HMCES: variants seen among roughly 807,000 people sequenced by gnomAD.
HMCES encodes the protein abasic site processing protein HMCES.
A neutral mutation model predicts 35.1 loss-of-function variants in HMCES; 27 were observed. The ratio of observed to expected loss-of-function variants is 0.77; its 90% CI spans 0.57 to 1.06. The LOEUF is 1.06. Ranked by LOEUF, HMCES falls within the 50% of genes least tolerant of loss-of-function variation. The probability of loss-of-function intolerance (pLI) is 0.00; values close to 1 mark genes in which losing one functional copy is unlikely to be tolerated. For synonymous variants in HMCES, 130 were observed against 154.7 expected (o/e 0.84, Z 1.18); for missense variants, 391 against 430.4 (o/e 0.91, Z 0.81).
rs372493925 is a variant in HMCES at position 129,298,390 on chromosome 3, T to G, written c.490T>G (p.Trp164Gly). The G allele has an allele frequency of 8.1e-6, 13 of 1,614,068 alleles. No individual in the cohort carries two copies. Among genetic ancestry groups the G allele is most frequent in the Non-Finnish European group, 1.0e-5 (12 of 1,180,040 alleles). Residue 164 changes from tryptophan (W) to glycine (G), a missense_variant, in exon 5 of 7, where the codon TGG becomes GGG. Physicochemically the swap from Trp to Gly is radical, Grantham distance 184. Coordinates refer to ENST00000383463, the MANE Select transcript of HMCES (RefSeq NM_020187.3). Reference protein sequence around the residue: ...SIGAADSPENWEKVWDNWRLL... With the variant: ...SIGAADSPENGEKVWDNWRLL... ...TGGTGCTGCAGATAGTCCTGAGAAC[T>G]GGGAGAAAGTCTGGGACAACTGGAG...
intron 4 of HMCES, 107 bp downstream of exon 4, chr3:129,290,911 T>G: frequency 8.3e-7 from 1 of 1,205,752 alleles, no homozygotes; most frequent in Non-Finnish European, 1.2e-6. Flanking sequence ...TATTTTAAAA[T>G]AACAGCTTTG....
intron 4 of HMCES, among the ~76,000 whole-genome samples, chr3:129,297,478 G>C (rs1348493370): frequency 6.6e-6 from 1 of 152,050 alleles, no homozygotes; most frequent in Non-Finnish European, 1.5e-5. Context: ...AGAGGAGCTT[G>C]CCTTTAAGGT....
At chr3:129,281,489 G>A (rs192132716) in intron 2 of HMCES, among the ~76,000 whole-genome samples, 2 of 151,532 alleles carry the variant, frequency 1.3e-5, no homozygotes, top group African/African-American at 4.9e-5. Flanking sequence ...TCAGGAGTTC[G>A]AGACCAGCCT....
At chr3:129,292,726 C>T (rs1169622921) in intron 4 of HMCES, among the ~76,000 whole-genome samples, 2 of 151,984 alleles carry the variant, frequency 1.3e-5, no homozygotes, top group Admixed American at 1.3e-4. Flanking sequence ...CCTTGTGATC[C>T]ACCCGCCTCG....
Position 129,305,838 on chromosome 3 carries a change from C to A in HMCES, c.*1013C>A. ...CACCAATCAGCGGGAAGCCTCGGCC[C>A]TGTAACTGCTAATGGGAGACAGCAG... is the stretch of plus-strand genomic sequence containing the variant. On this transcript the variant is annotated 3_prime_UTR_variant, in exon 7 of 7. Coordinates refer to ENST00000383463, the MANE Select transcript of HMCES (RefSeq NM_020187.3). 1 of 152,450 alleles carries A rather than the reference C, an allele frequency of 6.6e-6. No individual in the cohort carries two copies. Among genetic ancestry groups the A allele is most frequent in the Non-Finnish European group, 1.5e-5 (1 of 68,106 alleles). 9.4% of individuals were successfully genotyped at this position (152,450 alleles called of 1,614,324 possible).
chr3:129,290,581 C>A, intron 3 of HMCES, 98 bp from the exon 4 acceptor site: 3 of 1,377,982 alleles, frequency 2.2e-6, no homozygotes, highest in Non-Finnish European at 3.0e-6. Context: ...ACCCGCCTGG[C>A]CCAAACCTCA....
chr3:129,299,581 G>A (rs895559199), intron 5 of HMCES, among the ~76,000 whole-genome samples: 2 of 150,590 alleles, frequency 1.3e-5, no homozygotes, highest in East Asian at 3.9e-4. Context: ...GCCACTTGTG[G>A]TATTTAAGAT....
At chr3:129,296,251 G>T (rs1487567072) in intron 4 of HMCES, among the ~76,000 whole-genome samples, 1 of 152,114 alleles carries the variant, frequency 6.6e-6, no homozygotes, top group East Asian at 1.9e-4. Context: ...AGTAGAGACG[G>T]GGTTTGATAA....
At chr3:129,301,318 T>C (rs2071166614) in intron 5 of HMCES, among the ~76,000 whole-genome samples, 2 of 152,188 alleles carry the variant, frequency 1.3e-5, no homozygotes, top group Non-Finnish European at 1.5e-5. Flanking sequence ...AAATGTACCA[T>C]TATTTTATAC....
Position 129,301,924 on chromosome 3 carries a change from A to G in HMCES, c.636-26A>G, listed in dbSNP as rs374419314. Reference sequence around the variant, plus strand: ...CCTTATTCTCATGCTACCTCTCCCAACCATTGTCTTAACTTCCCTGGCCAG... The same window carrying G: ...CCTTATTCTCATGCTACCTCTCCCAGCCATTGTCTTAACTTCCCTGGCCAG... On this transcript the variant is annotated intron_variant, in intron 5 of 6. Coordinates refer to ENST00000383463, the MANE Select transcript of HMCES (RefSeq NM_020187.3). 6.3e-6 allele frequency: 10 copies of G among 1,582,744 alleles called. No individual in the cohort carries two copies. The African/African-American group carries it at 1.4e-4, about 21-fold the overall frequency.
chr3:129,290,654 A>G (rs748218685), intron 3 of HMCES, 25 bp from the exon 4 acceptor site: 16 of 1,609,364 alleles, frequency 9.9e-6, no homozygotes, highest in Admixed American at 1.7e-5. Flanking sequence ...CACTAAGACC[A>G]TATCTTGCTC....
intron 2 of HMCES, among the ~76,000 whole-genome samples, chr3:129,285,376 T>G (rs1940607951): frequency 1.3e-5 from 2 of 152,196 alleles, no homozygotes; most frequent in Admixed American, 1.3e-4. Context: ...TAATTATTGT[T>G]TGTTCTAATT....
At chr3:129,300,274 T>G (rs1235192983) in intron 5 of HMCES, among the ~76,000 whole-genome samples, 1 of 151,780 alleles carries the variant, frequency 6.6e-6, no homozygotes, top group Non-Finnish European at 1.5e-5. Context: ...AGTCAGTGTT[T>G]GAGATGGGTG....
chr3:129,301,030 C>CAAA (rs761152034), intron 5 of HMCES, among the ~76,000 whole-genome samples: 2 of 119,630 alleles, frequency 1.7e-5, no homozygotes, highest in African/African-American at 3.3e-5. Flanking sequence ...GACTCCATCT[C>CAAA]AAAAAAAAAA....
chr3:129,283,270 C>T (rs1280170126), intron 2 of HMCES, among the ~76,000 whole-genome samples: 3 of 151,762 alleles, frequency 2.0e-5, no homozygotes, highest in African/African-American at 4.8e-5. Flanking sequence ...ATTTAGTTGA[C>T]CATTGCGTAA....
At position 129,280,841 on chromosome 3, in the gene HMCES, A is replaced by G. The variant is rs561278539; in HGVS notation, c.183+926A>G. On this transcript the variant is annotated intron_variant, in intron 2 of 6. Transcript: ENST00000383463. ...CTCCTGAAAGTGTGTGTGTCTTTGT[A>G]TGTGTGTGTAATAAAAATGCTTCGT... is the stretch of plus-strand genomic sequence containing the variant. Among the ~76,000 whole-genome samples the G allele has an allele frequency of 2.0e-4, 31 of 152,260 alleles. 1 individual carries two copies. The South Asian group carries it at 6.4e-3, about 32-fold the overall frequency.
Position 129,302,127 on chromosome 3 carries a change from C to T in HMCES, c.813C>T (p.Asp271=), listed in dbSNP as rs1341482192. Residue 271 remains aspartate (D), a synonymous_variant, in exon 6 of 7, where the codon GAC becomes GAT. Transcript: ENST00000383463. ...CTCCTGAGTGTCTGGCTCCTGTCGA[C>T]TTGGTGGTCAAAAAGGTAGGGGCCT... is the stretch of plus-strand genomic sequence containing the variant. The part of the protein sequence containing the change: ...NNTPECLAPV[D]LVVKKELRAS... The T allele has an allele frequency of 6.2e-7, 1 of 1,611,382 alleles. No individual in the cohort carries two copies.
intron 2 of HMCES, among the ~76,000 whole-genome samples, chr3:129,282,208 A>G (rs933945284): frequency 6.6e-6 from 1 of 150,748 alleles, no homozygotes; most frequent in Non-Finnish European, 1.5e-5. Context: ...CTGTAATTCT[A>G]GCACTTTGGG....
At chr3:129,304,457 C>T (rs1186519057) in intron 6 of HMCES, 132 bp from the exon 7 acceptor site, 1 of 740,918 alleles carries the variant, frequency 1.3e-6, no homozygotes, top group Non-Finnish European at 2.3e-6. Context: ...TGGTGGGCCC[C>T]AGCTGGCCCT....
Sources: allele counts gnomAD v4.1 joint callset (sites outside exome capture counted in the v4.1 genomes callset), GRCh38; gene constraint gnomAD v4.1.1; transcripts MANE v1.5; gene names NCBI Gene and HGNC (gene_info 2026-07-23, HGNC 2026-07-21).